JMJD4: variants seen among roughly 807,000 people sequenced by gnomAD.
JMJD4 encodes jumonji domain containing 4, also known as 2-oxoglutarate and iron-dependent oxygenase JMJD4.
In JMJD4, 34 loss-of-function variants were observed where a neutral mutation model predicts 36.3. The observed-to-expected ratio is 0.94, with a 90% CI of 0.71 to 1.25. JMJD4 has a LOEUF of 1.25. Ranked by LOEUF, JMJD4 falls within the 50% of genes most tolerant of loss-of-function variation. The pLI, the probability that JMJD4 is intolerant of heterozygous loss-of-function variation, is 0.00. For synonymous variants in JMJD4, 269 were observed against 235.3 expected (o/e 1.14, Z -1.31); for missense variants, 584 against 559.1 (o/e 1.04, Z -0.45).
chr1:227,733,256 C>T, intron 4 of JMJD4, 158 bp downstream of exon 4: 1 of 919,858 alleles, frequency 1.1e-6, no homozygotes, highest in South Asian at 1.8e-5. Context: ...GTGGGTGAAA[C>T]AGAGGCTAGG....
rs757295534 is a variant in JMJD4 at position 227,732,345 on chromosome 1, A to C, written c.*47T>G. 4.4e-6 allele frequency: 7 copies of C among 1,597,392 alleles called. No homozygotes were observed. Among genetic ancestry groups the C allele is most frequent in the Non-Finnish European group, 5.1e-6 (6 of 1,169,480 alleles). On this transcript the variant is annotated 3_prime_UTR_variant, in exon 6 of 6. Coordinates refer to ENST00000620518, the MANE Select transcript of JMJD4 (RefSeq NM_023007.3). ...TTTATTTCTGGAAGGGCCCCGGAGC[A>C]GGAGGCTGCCTCTCTTCCACCCGTC...
chr1:227,734,469 C>A, intron 2 of JMJD4, 182 bp downstream of exon 2: 1 of 524,106 alleles, frequency 1.9e-6, no homozygotes, highest in African/African-American at 1.9e-5. Context: ...CCATATTGAC[C>A]TCCCAAAGAA....
At position 227,735,165 on chromosome 1, in the gene JMJD4, C is replaced by A. The variant is rs201199352; in HGVS notation, c.109G>T (p.Gly37Cys). 6.3e-7 allele frequency: 1 copy of A among 1,580,334 alleles called. No individual in the cohort carries two copies. Among genetic ancestry groups the A allele is most frequent in the South Asian group, 1.1e-5 (1 of 87,134 alleles). The change falls in exon 1 of 6, where the codon GGC becomes TGC. Residue 37 changes from glycine to cysteine, a missense_variant. By Grantham distance (159) the Gly-to-Cys change is radical. Transcript: ENST00000620518. ...PGRVAFVSEP[G>C]AFSYADFVRG... The stretch of plus-strand genomic sequence containing the variant: ...ACAAAGTCGGCGTAGGAGAAGGCGC[C>A]CGGCTCCGAGACGAAGGCTACCCGG...
rs982656227 is a variant in JMJD4, at chr1:227,735,300, T to G, written c.-27A>C. The G allele has an allele frequency of 2.5e-6, 4 of 1,604,526 alleles. No individual in the cohort carries two copies. In the South Asian group the frequency reaches 4.4e-5, roughly 18 times the overall value. ...CAGCTCAGCACGGGTCGAAGGACCC[T>G]CCTCCTCACTTCCGCCGGAGCGGAA... On this transcript the variant is annotated 5_prime_UTR_variant, in exon 1 of 6. Coordinates refer to ENST00000620518, the MANE Select transcript of JMJD4 (RefSeq NM_023007.3).
At position 227,735,152 on chromosome 1, in the gene JMJD4, T is replaced by A. The variant is rs777101659; in HGVS notation, c.122A>T (p.Tyr41Phe). The A allele has an allele frequency of 2.5e-6, 4 of 1,581,540 alleles. No individual in the cohort carries two copies. The African/African-American group carries it at 4.1e-5, about 16-fold the overall frequency. ...AFVSEPGAFS[Y>F]ADFVRGFLLP... The stretch of plus-strand genomic sequence containing the variant: ...CAAGAAGCCCCGCACAAAGTCGGCG[T>A]AGGAGAAGGCGCCCGGCTCCGAGAC... Residue 41 changes from tyrosine to phenylalanine, a missense_variant, in exon 1 of 6, where the codon TAC becomes TTC. Coordinates refer to ENST00000620518, the MANE Select transcript of JMJD4 (RefSeq NM_023007.3).
chr1:227,734,439 C>CA (rs371020547), intron 2 of JMJD4: 510 of 406,888 alleles, frequency 1.3e-3, no homozygotes, highest in Middle Eastern at 2.1e-3. Flanking sequence ...AGATCTCTCT[C>CA]AAAAAAAAAG....
rs10157184 is a variant in JMJD4 at position 227,731,601 on chromosome 1, G to C, written c.*791C>G. 2.8e-4 allele frequency: 42 copies of C among 152,694 alleles called. No homozygotes were observed. The highest frequency in any genetic ancestry group is 9.9e-4 in the African/African-American group (41 of 41,580). The allele number at this position is 152,694 out of a possible 1,614,324, so 9.5% of individuals were successfully genotyped here. Reference sequence around the variant, plus strand: ...CCACCACAGGCCTCCGCTGCTCACTGCTGTGCCTTGATCGGCCTGGACGAG... The same window carrying C: ...CCACCACAGGCCTCCGCTGCTCACTCCTGTGCCTTGATCGGCCTGGACGAG... On this transcript the variant is annotated 3_prime_UTR_variant, in exon 6 of 6. Transcript: ENST00000620518.
chr1:227,733,297 G>C (rs1220691467), intron 4 of JMJD4, 117 bp downstream of exon 4: 1 of 1,144,750 alleles, frequency 8.7e-7, no homozygotes, highest in Non-Finnish European at 1.2e-6. Flanking sequence ...GAAGGGGTCA[G>C]CCTCACCCAT....
intron 5 of JMJD4, 100 bp from the exon 6 acceptor site, chr1:227,732,776 A>G: frequency 5.0e-6 from 8 of 1,591,144 alleles, no homozygotes; most frequent in Non-Finnish European, 1.7e-6. Context: ...AGAAGGGACC[A>G]TTAAGACAGA....
Position 227,731,364 on chromosome 1 carries a change from A to G in JMJD4, c.*1028T>C, listed in dbSNP as rs1660634564. 6.6e-6 allele frequency: 1 copy of G among 152,278 alleles called. No homozygotes were observed. The highest frequency in any genetic ancestry group is 1.5e-5 in the Non-Finnish European group (1 of 68,052). The allele number at this position is 152,278 out of a possible 1,614,324, so 9.4% of individuals were successfully genotyped here. A position where few individuals can be genotyped will look rare whatever the true frequency, so the allele number is the denominator to read the frequency against. ...CCCCAGTTGATGCCACGGGCAGGCAATGTGCATAGCCATGGCACGTGCCGT... is the reference window on the plus strand; with the variant it reads ...CCCCAGTTGATGCCACGGGCAGGCAGTGTGCATAGCCATGGCACGTGCCGT... On this transcript the variant is annotated 3_prime_UTR_variant, in exon 6 of 6. Transcript: ENST00000620518.
In JMJD4 at chr1:227,732,277, A is replaced by C; in HGVS notation, c.*115T>G. On this transcript the variant is annotated 3_prime_UTR_variant, in exon 6 of 6. Transcript: ENST00000620518. ...CAGTGGCCATGAACAGCCAGGCCACAAGCCTCGACAGGGGTGGGCCCCAGG... is the reference window on the plus strand; with the variant it reads ...CAGTGGCCATGAACAGCCAGGCCACCAGCCTCGACAGGGGTGGGCCCCAGG... The C allele has an allele frequency of 4.0e-6, 5 of 1,263,460 alleles. No homozygotes were observed. The highest frequency in any genetic ancestry group is 5.6e-6 in the Non-Finnish European group (5 of 891,192). 78.3% of individuals were successfully genotyped at this position (1,263,460 alleles called of 1,614,324 possible). A position where few individuals can be genotyped will look rare whatever the true frequency, so the allele number is the denominator to read the frequency against.
Position 227,733,186 on chromosome 1 carries a change from G to T in JMJD4, c.823-159C>A. On this transcript the variant is annotated intron_variant, in intron 4 of 5. Coordinates refer to ENST00000620518, the MANE Select transcript of JMJD4 (RefSeq NM_023007.3). ...GGCTTGCTCAGCAGGGAAGTGGGTGGCGGGCTCGGACCACCTCAGGCCACA... is the reference window on the plus strand; with the variant it reads ...GGCTTGCTCAGCAGGGAAGTGGGTGTCGGGCTCGGACCACCTCAGGCCACA... 4 of 932,474 alleles carry T rather than the reference G, an allele frequency of 4.3e-6. No individual in the cohort carries two copies. The South Asian group carries it at 6.7e-5, about 16-fold the overall frequency. 57.8% of individuals were successfully genotyped at this position (932,474 alleles called of 1,614,324 possible).
chr1:227,732,931 C>T lies in JMJD4; in HGVS notation c.919G>A (p.Glu307Lys). 6.2e-7 allele frequency: 1 copy of T among 1,613,154 alleles called. No individual in the cohort carries two copies. Among genetic ancestry groups the T allele is most frequent in the Non-Finnish European group, 8.5e-7 (1 of 1,180,016 alleles). Residue 307 changes from glutamate (E) to lysine (K), a missense_variant, in exon 5 of 6, where the codon GAG becomes AAG. Glu to Lys is a moderately conservative substitution (Grantham distance 56, BLOSUM62 1). Coordinates refer to ENST00000620518, the MANE Select transcript of JMJD4 (RefSeq NM_023007.3). ...ATGGAGTCCCTCCACTCGCTGACCT[C>T]CTCCTGCACGGCGCATAGCTCCTGC... is the stretch of plus-strand genomic sequence containing the variant. Reference protein sequence around the residue: ...LQQELCAVQEEVSEWRDSMPD... With the variant: ...LQQELCAVQEKVSEWRDSMPD...
At chr1:227,734,118 C>A in intron 2 of JMJD4, 86 bp from the exon 3 acceptor site, 1 of 1,470,640 alleles carries the variant, frequency 6.8e-7, no homozygotes. Flanking sequence ...TGAGACCAAT[C>A]GGCTCCAGTG....
In JMJD4 at chr1:227,733,033, AG is replaced by A; in HGVS notation, c.823-7del. ...TTGATGGAGATGGTGTCATCCTGGA[AG>A]GGGCACAGTGCAGGCAGGCCTGAGC... On this transcript the variant is annotated splice_region_variant and splice_polypyrimidine_tract_variant and intron_variant, in intron 4 of 5. Transcript: ENST00000620518. 1 of 1,613,364 alleles carries A rather than the reference AG, an allele frequency of 6.2e-7. No homozygotes were observed. The highest frequency in any genetic ancestry group is 8.5e-7 in the Non-Finnish European group (1 of 1,179,984).
At position 227,733,593 on chromosome 1, in the gene JMJD4, G is replaced by C; in HGVS notation, c.643C>G (p.Gln215Glu). The part of the protein sequence containing the change: ...RKKWLLFPPG[Q>E]EEALRDRHGN... ...TGGCGGTCCCGCAGGGCCTCTTCCT[G>C]CCCTGGGGGGAAGAGGAGCCACTTC... Residue 215 changes from glutamine (Q) to glutamate (E), a missense_variant, in exon 4 of 6, where the codon CAG (glutamine) becomes GAG (glutamate). Gln to Glu is a conservative substitution (Grantham distance 29). Coordinates refer to ENST00000620518, the MANE Select transcript of JMJD4 (RefSeq NM_023007.3). The C allele has an allele frequency of 6.2e-7, 1 of 1,608,006 alleles. No homozygotes were observed. Among genetic ancestry groups the C allele is most frequent in the Non-Finnish European group, 8.5e-7 (1 of 1,178,864 alleles).
chr1:227,734,579 TCATCAGAAAGGCCTCTGGGTTCACG>T (rs1443137034), intron 2 of JMJD4, 47 bp downstream of exon 2: 1 of 1,497,614 alleles, frequency 6.7e-7, no homozygotes, highest in African/African-American at 1.4e-5. Context: ...GGGGCCACCT[TCATCAGAAAGGCCTCTGGGTTCACG>T]CAGCGCTAGG....
chr1:227,731,349 T>C lies in JMJD4; in HGVS notation c.*1043A>G, dbSNP rs908015948. 1.3e-5 allele frequency: 2 copies of C among 152,302 alleles called. No homozygotes were observed. The highest frequency in any genetic ancestry group is 2.1e-4 in the South Asian group (1 of 4,834). 9.4% of individuals were successfully genotyped at this position (152,302 alleles called of 1,614,324 possible). ...GACAAGTGCCAGCGGCCCCAGTTGA[T>C]GCCACGGGCAGGCAATGTGCATAGC... On this transcript the variant is annotated 3_prime_UTR_variant, in exon 6 of 6. Transcript: ENST00000620518.
In JMJD4 at chr1:227,731,563, G is replaced by T. The variant is rs1014329984; in HGVS notation, c.*829C>A. 6.6e-6 allele frequency: 1 copy of T among 152,338 alleles called. No individual in the cohort carries two copies. Among genetic ancestry groups the T allele is most frequent in the African/African-American group, 2.4e-5 (1 of 41,446 alleles). 9.4% of individuals were successfully genotyped at this position (152,338 alleles called of 1,614,324 possible). A position where few individuals can be genotyped will look rare whatever the true frequency, so the allele number is the denominator to read the frequency against. On this transcript the variant is annotated 3_prime_UTR_variant, in exon 6 of 6. Transcript: ENST00000620518. ...GGCATCCTCTGCAAGAGGATCCCAC[G>T]AGAGTCCATTCCCCACCACAGGCCT...
Sources: allele counts gnomAD v4.1 joint callset, GRCh38; gene constraint gnomAD v4.1.1; transcripts MANE v1.5; gene names NCBI Gene and HGNC (gene_info 2026-07-23, HGNC 2026-07-21).